The following MALRD1 variants were observed in gnomAD, a reference collection of about 807,000 sequenced individuals.
The protein encoded by MALRD1 is MAM and LDL receptor class A domain containing 1.
Under a neutral mutation model 242.1 loss-of-function variants are expected in MALRD1, and 247 were observed. The ratio of observed to expected loss-of-function variants is 1.02; its 90% CI spans 0.92 to 1.13. The LOEUF (loss-of-function observed/expected upper bound fraction) is 1.13, where lower values mean the gene tolerates loss of function less well. MALRD1 is among the 50% of genes most tolerant of loss of function. The probability of loss-of-function intolerance (pLI) is 0.00; values close to 1 mark genes in which losing one functional copy is unlikely to be tolerated. For synonymous variants in MALRD1, 995 were observed against 866.6 expected (o/e 1.15, Z -2.60); for missense variants, 2,989 against 2,533.1 (o/e 1.18, Z -3.86).
intron 29 of MALRD1, among the ~76,000 whole-genome samples, chr10:19,465,037 G>T (rs1836150859): frequency 1.3e-5 from 2 of 151,524 alleles, no homozygotes; most frequent in South Asian, 4.2e-4. Context: ...TGTATAGCAG[G>T]GCTACTGAAT....
chr10:19,540,479 A>C (rs147386932), intron 32 of MALRD1, among the ~76,000 whole-genome samples: 2 of 152,194 alleles, frequency 1.3e-5, no homozygotes, highest in African/African-American at 4.8e-5. Context: ...GAACCAATGA[A>C]ATATGGTGCA....
chr10:19,128,104 A>G, intron 7 of MALRD1, 117 bp from the exon 8 acceptor site: 1 of 626,334 alleles, frequency 1.6e-6, no homozygotes, highest in Non-Finnish European at 2.3e-6. Flanking sequence ...TATCCTTTTA[A>G]GTAAAATATT....
intron 28 of MALRD1, among the ~76,000 whole-genome samples, chr10:19,424,995 A>G (rs1386417619): frequency 6.6e-6 from 1 of 152,186 alleles, no homozygotes; most frequent in Non-Finnish European, 1.5e-5. Context: ...CAACAGGGAG[A>G]ACACTTTCCA....
intron 34 of MALRD1, among the ~76,000 whole-genome samples, chr10:19,602,728 G>A (rs1347646467): frequency 6.6e-6 from 1 of 152,236 alleles, no homozygotes; most frequent in East Asian, 1.9e-4. Flanking sequence ...GGATGGCTGG[G>A]TCAAATGGTA....
chr10:19,661,066 A>G (rs1487992605), intron 36 of MALRD1, among the ~76,000 whole-genome samples: 1 of 152,192 alleles, frequency 6.6e-6, no homozygotes, highest in Non-Finnish European at 1.5e-5. Flanking sequence ...AGAGAAATGC[A>G]AATCAAAACC....
At chr10:19,340,170 G>A (rs928060685) in intron 24 of MALRD1, among the ~76,000 whole-genome samples, 42 of 152,090 alleles carry the variant, frequency 2.8e-4, no homozygotes, top group Non-Finnish European at 5.4e-4. Flanking sequence ...CTATGTTTAC[G>A]GGTTACATAA....
At chr10:19,556,062 G>T (rs1835703217) in intron 32 of MALRD1, among the ~76,000 whole-genome samples, 1 of 152,076 alleles carries the variant, frequency 6.6e-6, no homozygotes, top group African/African-American at 2.4e-5. Flanking sequence ...TCTCTCACCA[G>T]CGCTATCATT....
chr10:19,156,936 C>T (rs1408567352), intron 12 of MALRD1, among the ~76,000 whole-genome samples: 2 of 152,084 alleles, frequency 1.3e-5, no homozygotes, highest in African/African-American at 4.8e-5. Context: ...ATCTCAAAAC[C>T]AAGGCTTCGA....
At chr10:19,729,721 CTTTTTTTTTTTTTTTTT>C (rs35279728) in intron 38 of MALRD1, among the ~76,000 whole-genome samples, 6 of 40,644 alleles carry the variant, frequency 1.5e-4, no homozygotes, top group South Asian at 1.2e-3. Flanking sequence ...TCTATTAATT[CTTTTTTTTTTTTTTTTT>C]TTTTTTTTTT....
At chr10:19,225,686 A>C (rs547847068) in intron 18 of MALRD1, among the ~76,000 whole-genome samples, 1 of 152,264 alleles carries the variant, frequency 6.6e-6, no homozygotes, top group South Asian at 2.1e-4. Context: ...CTTCACCTAA[A>C]GTATAAGCCC....
At chr10:19,053,848 T>C (rs1371916947) in intron 1 of MALRD1, among the ~76,000 whole-genome samples, 1 of 152,150 alleles carries the variant, frequency 6.6e-6, no homozygotes, top group Non-Finnish European at 1.5e-5. Flanking sequence ...TTATTTTACA[T>C]GAACTTCTTT....
At position 19,315,577 on chromosome 10, in the gene MALRD1, A is replaced by G. The variant is rs1236197661; in HGVS notation, c.3420-8372A>G. On this transcript the variant is annotated intron_variant, in intron 21 of 39. Transcript: ENST00000454679. ...AAATATTATTTATATAAATATATAA[A>G]TTATAAATTATAAATATTTATATAA... Among the ~76,000 whole-genome samples the G allele has an allele frequency of 7.1e-4, 80 of 112,878 alleles. 2 individuals carry two copies. The highest frequency in any genetic ancestry group is 3.2e-3 in the African/African-American group (78 of 24,352). 74.1% of individuals were successfully genotyped at this position (112,878 alleles called of 152,430 possible). A position where few individuals can be genotyped will look rare whatever the true frequency, so the allele number is the denominator to read the frequency against.
intron 28 of MALRD1, among the ~76,000 whole-genome samples, chr10:19,438,886 C>A (rs1834475864): frequency 6.6e-6 from 1 of 152,124 alleles, no homozygotes; most frequent in Non-Finnish European, 1.5e-5. Flanking sequence ...GGATCTATCC[C>A]AGGCTCTTCT....
At chr10:19,658,629 C>T (rs1279243068) in intron 36 of MALRD1, among the ~76,000 whole-genome samples, 2 of 152,114 alleles carry the variant, frequency 1.3e-5, no homozygotes, top group Admixed American at 1.3e-4. Context: ...CCAGTTAATT[C>T]ACTTCTCTGA....
Position 19,545,914 on chromosome 10 carries a change from G to T in MALRD1, c.5478+14563G>T, listed in dbSNP as rs572702644. Among the ~76,000 whole-genome samples, 3 of 152,236 alleles carry T rather than the reference G, an allele frequency of 2.0e-5. No homozygotes were observed. The South Asian group carries it at 6.2e-4, about 32-fold the overall frequency. The stretch of plus-strand genomic sequence containing the variant: ...GTTTTGCTATTCAGTCTATCTGTGA[G>T]GCTTTTATTTTTACAATCATACTGT... On this transcript the variant is annotated intron_variant, in intron 32 of 39. Transcript: ENST00000454679.
chr10:19,655,648 G>A (rs540349019), intron 36 of MALRD1, among the ~76,000 whole-genome samples: 9 of 147,754 alleles, frequency 6.1e-5, no homozygotes, highest in South Asian at 2.1e-4. Flanking sequence ...CTAGACATAC[G>A]ACATACTCAT....
chr10:19,422,632 C>T (rs967485852), intron 28 of MALRD1, among the ~76,000 whole-genome samples: 1 of 152,076 alleles, frequency 6.6e-6, no homozygotes, highest in Non-Finnish European at 1.5e-5. Flanking sequence ...GTAGAATACC[C>T]TCGACCTATG....
In MALRD1 at chr10:19,454,594, A is replaced by G. The variant is rs150853177; in HGVS notation, c.5029+4104A>G. 2.5e-3 allele frequency among the ~76,000 whole-genome samples: 374 copies of G among 151,398 alleles called. 5 individuals carry two copies. In the East Asian group the frequency reaches 0.049, roughly 20 times the overall value. ...TATAAAGTCAAAAAATTGTAAGTCA[A>G]ATCATTGTAAATGCAGAAGCTCCTG... On this transcript the variant is annotated intron_variant, in intron 29 of 39. Coordinates refer to ENST00000454679, the MANE Select transcript of MALRD1 (RefSeq NM_001142308.3).
At chr10:19,420,874 A>AC (rs1016065945) in intron 28 of MALRD1, among the ~76,000 whole-genome samples, 46 of 152,320 alleles carry the variant, frequency 3.0e-4, no homozygotes, top group African/African-American at 1.1e-3. Context: ...AACCATCCTC[A>AC]CCACTGGAAT....
Sources: gnomAD v4.1 joint callset for allele counts (sites outside exome capture counted in the v4.1 genomes callset) on GRCh38, gnomAD v4.1.1 for gene constraint, MANE v1.5 for transcripts, NCBI Gene and HGNC (gene_info 2026-07-23, HGNC 2026-07-21) for gene names.